The following SMARCAD1 variants were observed in gnomAD, a reference collection of about 807,000 sequenced individuals.
The protein encoded by SMARCAD1 is SWI/SNF-related matrix-associated actin-dependent regulator of chromatin subfamily A containing DEAD/H box 1.
In SMARCAD1, 25 loss-of-function variants were observed where a neutral mutation model predicts 127.1. That is an observed-to-expected ratio of 0.20 (90% confidence interval 0.14 to 0.27). The LOEUF (loss-of-function observed/expected upper bound fraction) is 0.27, where lower values mean the gene tolerates loss of function less well. SMARCAD1 is among the 10% of genes least tolerant of loss of function. The pLI, the probability that SMARCAD1 is intolerant of heterozygous loss-of-function variation, is 1.00. For synonymous variants in SMARCAD1, 400 were observed against 396.9 expected (o/e 1.01, Z -0.09); for missense variants, 807 against 1,206.0 (o/e 0.67, Z 4.90).
chr4:94,287,073 C>T (rs963206158), intron 23 of SMARCAD1, among the ~76,000 whole-genome samples: 4 of 152,072 alleles, frequency 2.6e-5, no homozygotes, highest in African/African-American at 9.7e-5. Flanking sequence ...ACCGTATTAG[C>T]CAGGATGGTC....
chr4:94,237,360 A>G (rs529687920), intron 5 of SMARCAD1, among the ~76,000 whole-genome samples: 8 of 152,204 alleles, frequency 5.3e-5, no homozygotes, highest in South Asian at 4.1e-4. Flanking sequence ...CTGGTAATCA[A>G]CATTCCTTTA....
intron 2 of SMARCAD1, among the ~76,000 whole-genome samples, chr4:94,218,043 TTTA>T (rs1743477678): frequency 2.0e-5 from 3 of 152,312 alleles, no homozygotes; most frequent in South Asian, 4.1e-4. Context: ...GTGCTCTTGC[TTTA>T]TTAAGAGCAT....
In SMARCAD1 at chr4:94,290,919, C is replaced by T. The variant is rs779054305; in HGVS notation, c.*1385C>T. Reference sequence around the variant, plus strand: ...CTGGATTTGGAAGGCAAATAAAACTCTTACAGTGATTATTTAGATATTAAA... The same window carrying T: ...CTGGATTTGGAAGGCAAATAAAACTTTTACAGTGATTATTTAGATATTAAA... On this transcript the variant is annotated 3_prime_UTR_variant, in exon 24 of 24. Transcript: ENST00000354268. The T allele has an allele frequency of 2.2e-6, 1 of 453,960 alleles. No homozygotes were observed. Among genetic ancestry groups the T allele is most frequent in the South Asian group, 1.6e-5 (1 of 64,252 alleles). The allele number at this position is 453,960 out of a possible 1,614,324, so 28.1% of individuals were successfully genotyped here. A position where few individuals can be genotyped will look rare whatever the true frequency, so the allele number is the denominator to read the frequency against.
chr4:94,215,071 TTGAA>T (rs1410954849), intron 2 of SMARCAD1, among the ~76,000 whole-genome samples: 1 of 152,172 alleles, frequency 6.6e-6, no homozygotes, highest in African/African-American at 2.4e-5. Context: ...TTATTATCCT[TTGAA>T]TGATGATACT....
At chr4:94,219,320 G>A (rs917186668) in intron 2 of SMARCAD1, among the ~76,000 whole-genome samples, 1 of 152,124 alleles carries the variant, frequency 6.6e-6, no homozygotes, top group Non-Finnish European at 1.5e-5. Context: ...GATCACCTTT[G>A]TTTATGGATT....
intron 2 of SMARCAD1, among the ~76,000 whole-genome samples, chr4:94,218,624 G>T (rs2046595): frequency 0.029 from 4,351 of 151,968 alleles, 188 homozygotes; most frequent in African/African-American, 0.099. Context: ...TTGAAATGGG[G>T]TTTTTTCCCT....
In SMARCAD1 at chr4:94,283,226, T is replaced by A; in HGVS notation, c.2832T>A (p.Val944=). 2 of 1,613,794 alleles carry A rather than the reference T, an allele frequency of 1.2e-6. No individual in the cohort carries two copies. Among genetic ancestry groups the A allele is most frequent in the Middle Eastern group, 1.7e-4 (1 of 6,038 alleles). ...LGINLTSANV[V]ILHDIDCNPY... ...TAAATCTGACTTCAGCAAATGTTGT[T>A]ATACTTCACGATATTGACTGTAATC... The change falls in exon 22 of 24, where the codon GTT becomes GTA. Residue 944 remains valine (V), a synonymous_variant. Coordinates refer to ENST00000354268, the MANE Select transcript of SMARCAD1 (RefSeq NM_020159.5).
chr4:94,261,035 TATG>T (rs1394972807), intron 9 of SMARCAD1, among the ~76,000 whole-genome samples: 10 of 152,034 alleles, frequency 6.6e-5, no homozygotes, highest in South Asian at 2.1e-4. Flanking sequence ...TGGCAGAAAA[TATG>T]ATAATGACAG....
chr4:94,235,936 G>GTA (rs1312442398), intron 4 of SMARCAD1, among the ~76,000 whole-genome samples: 1 of 151,962 alleles, frequency 6.6e-6, no homozygotes, highest in Non-Finnish European at 1.5e-5. Context: ...GTGTAATTTA[G>GTA]TATATCACAC....
chr4:94,270,620 A>C, intron 10 of SMARCAD1, 108 bp from the exon 11 acceptor site: 1 of 871,884 alleles, frequency 1.1e-6, no homozygotes, highest in Non-Finnish European at 1.9e-6. Flanking sequence ...TAACAGTTAA[A>C]AGGTAAGATT....
At chr4:94,284,326 CAAAAAAAAAAAA>C (rs1161926658) in intron 22 of SMARCAD1, among the ~76,000 whole-genome samples, 6 of 25,922 alleles carry the variant, frequency 2.3e-4, no homozygotes, top group East Asian at 1.9e-3. Flanking sequence ...GACTCCGTCT[CAAAAAAAAAAAA>C]AAAAAAAAAA....
intron 21 of SMARCAD1, among the ~76,000 whole-genome samples, chr4:94,282,775 C>A (rs780503560): frequency 6.6e-6 from 1 of 151,784 alleles, no homozygotes; most frequent in Non-Finnish European, 1.5e-5. Context: ...GAAATGTTGT[C>A]TGCCAGTAGG....
Position 94,278,663 on chromosome 4 carries a change from A to G in SMARCAD1, c.2226A>G (p.Ala742=), listed in dbSNP as rs767054675. ...PPKKDRIELC[A]MSEKQEQLYL... is the part of the protein sequence containing the mutation. The stretch of plus-strand genomic sequence containing the variant: ...AGAAAGATCGAATTGAGTTGTGTGC[A>G]ATGTCGGAGAAGCAGGAGCAACTCT... The change falls in exon 18 of 24, where the codon GCA becomes GCG. Residue 742 remains alanine, a synonymous_variant. Transcript: ENST00000354268. 4 of 1,614,026 alleles carry G rather than the reference A, an allele frequency of 2.5e-6. No homozygotes were observed. The South Asian group carries it at 4.4e-5, about 18-fold the overall frequency.
chr4:94,290,058 T>A lies in SMARCAD1; in HGVS notation c.*524T>A. On this transcript the variant is annotated 3_prime_UTR_variant, in exon 24 of 24. Transcript: ENST00000354268. ...TATTTGAAGCAGATGTTCACCAATG[T>A]CAGCAAGAACTCAACCTGAATTTAA... The A allele has an allele frequency of 2.2e-6, 1 of 454,506 alleles. No individual in the cohort carries two copies. Among genetic ancestry groups the A allele is most frequent in the Non-Finnish European group, 4.4e-6 (1 of 226,772 alleles). 28.2% of individuals were successfully genotyped at this position (454,506 alleles called of 1,614,324 possible).
chr4:94,274,603 C>G, intron 12 of SMARCAD1, 135 bp from the exon 13 acceptor site: 1 of 850,744 alleles, frequency 1.2e-6, no homozygotes, highest in Non-Finnish European at 1.9e-6. Flanking sequence ...AGGCATGAGC[C>G]ACCTTGCTGG....
In SMARCAD1 at chr4:94,243,166, T is replaced by C. The variant is rs370422097; in HGVS notation, c.705+2160T>C. 2.6e-5 allele frequency among the ~76,000 whole-genome samples: 4 copies of C among 152,148 alleles called. No homozygotes were observed. The East Asian group carries it at 5.8e-4, about 22-fold the overall frequency. On this transcript the variant is annotated intron_variant, in intron 6 of 23. Coordinates refer to ENST00000354268, the MANE Select transcript of SMARCAD1 (RefSeq NM_020159.5). ...ATTAGCCGGGCTGATCTCAAACTCC[T>C]GACCTCAGGTGATCCGCCTGCTTTG...
intron 2 of SMARCAD1, among the ~76,000 whole-genome samples, chr4:94,217,118 A>G (rs1163243016): frequency 3.3e-5 from 5 of 152,148 alleles, no homozygotes; most frequent in Non-Finnish European, 7.3e-5. Flanking sequence ...GATAATAGCC[A>G]ACATAATGGA....
Position 94,285,371 on chromosome 4 carries a change from A to G in SMARCAD1, c.3019+302A>G, listed in dbSNP as rs1754783959. Among the ~76,000 whole-genome samples, 3 of 152,268 alleles carry G rather than the reference A, an allele frequency of 2.0e-5. No individual in the cohort carries two copies. In the East Asian group the frequency reaches 5.8e-4, roughly 29 times the overall value. The stretch of plus-strand genomic sequence containing the variant: ...CCCAACTTCCCCAATAGAGGTGACA[A>G]GTGTTAGCCTTTTGTTTTTGTGTGT... On this transcript the variant is annotated intron_variant, in intron 23 of 23. Transcript: ENST00000354268.
At chr4:94,270,986 C>T (rs1478782456) in intron 11 of SMARCAD1, among the ~76,000 whole-genome samples, 168 bp downstream of exon 11, 1 of 152,068 alleles carries the variant, frequency 6.6e-6, no homozygotes, top group Non-Finnish European at 1.5e-5. Flanking sequence ...TTCTACCCTC[C>T]TCACTCCTCC....
Sources: gnomAD v4.1 joint callset for allele counts (sites outside exome capture counted in the v4.1 genomes callset) on GRCh38, gnomAD v4.1.1 for gene constraint, MANE v1.5 for transcripts, NCBI Gene and HGNC (gene_info 2026-07-23, HGNC 2026-07-21) for gene names.